The following POU6F2 variants were observed in gnomAD, a reference collection of about 807,000 sequenced individuals.
POU6F2 encodes the protein POU domain, class 6, transcription factor 2.
In POU6F2, 31 loss-of-function variants were observed where a neutral mutation model predicts 71.3. The ratio of observed to expected loss-of-function variants is 0.43; its 90% CI spans 0.33 to 0.59. POU6F2 has a LOEUF of 0.59. Among genes scored for constraint, POU6F2 ranks in the 20% least tolerant of loss-of-function variants. POU6F2 has a pLI of 0.04. For missense variants in POU6F2, 783 were observed against 856.8 expected (o/e 0.91, Z 1.07); for synonymous variants, 347 against 355.7 (o/e 0.98, Z 0.27).
In POU6F2 at chr7:39,058,132, C is replaced by T. The variant is rs1790573502; in HGVS notation, c.106-27728C>T. Among the ~76,000 whole-genome samples the T allele has an allele frequency of 2.6e-5, 4 of 152,186 alleles. No homozygotes were observed. The South Asian group carries it at 8.3e-4, about 32-fold the overall frequency. Reference sequence around the variant, plus strand: ...AAGCTAGAAACAGCATCTAATTCCTCCCCCCTTGTTTAAATGTACTATCTG... The same window carrying T: ...AAGCTAGAAACAGCATCTAATTCCTTCCCCCTTGTTTAAATGTACTATCTG... On this transcript the variant is annotated intron_variant, in intron 1 of 9. Coordinates refer to ENST00000518318, the MANE Select transcript of POU6F2 (RefSeq NM_001370959.1).
chr7:39,289,241 G>A (rs1031012456), intron 4 of POU6F2, among the ~76,000 whole-genome samples: 1 of 152,122 alleles, frequency 6.6e-6, no homozygotes, highest in Non-Finnish European at 1.5e-5. Flanking sequence ...ACATACAGGG[G>A]GCCACTCCAG....
chr7:39,200,366 G>A (rs1793873078), intron 2 of POU6F2, among the ~76,000 whole-genome samples: 1 of 152,188 alleles, frequency 6.6e-6, no homozygotes. Context: ...TGATTCGCAG[G>A]CCTGGGTGAA....
At chr7:39,219,613 G>A (rs1794309587) in intron 4 of POU6F2, among the ~76,000 whole-genome samples, 1 of 152,108 alleles carries the variant, frequency 6.6e-6, no homozygotes. Context: ...TATTAATATT[G>A]TAAGCAAACG....
intron 4 of POU6F2, among the ~76,000 whole-genome samples, chr7:39,226,843 A>G (rs1193924545): frequency 6.6e-6 from 1 of 152,198 alleles, no homozygotes. Context: ...AATACCTATC[A>G]TATTTCAATA....
chr7:39,145,374 C>T (rs1792598340), intron 2 of POU6F2, among the ~76,000 whole-genome samples: 1 of 152,322 alleles, frequency 6.6e-6, no homozygotes, highest in African/African-American at 2.4e-5. Context: ...AACCAGATCA[C>T]ACAGTTTCGA....
intron 5 of POU6F2, among the ~76,000 whole-genome samples, chr7:39,344,847 A>G (rs1238285342): frequency 1.3e-5 from 2 of 152,184 alleles, no homozygotes; most frequent in African/African-American, 2.4e-5. Flanking sequence ...GTGTATTCAT[A>G]TAACTCCTTT....
chr7:39,425,061 T>G (rs1787937612), intron 6 of POU6F2, among the ~76,000 whole-genome samples: 1 of 152,198 alleles, frequency 6.6e-6, no homozygotes, highest in African/African-American at 2.4e-5. Context: ...CTACGAGGTT[T>G]GCTGCTCATG....
chr7:39,123,728 T>C (rs994963099), intron 2 of POU6F2, among the ~76,000 whole-genome samples: 1 of 152,148 alleles, frequency 6.6e-6, no homozygotes, highest in Admixed American at 6.5e-5. Flanking sequence ...CTCATAGCAA[T>C]GACTCCTCAG....
intron 1 of POU6F2, among the ~76,000 whole-genome samples, chr7:38,988,254 G>A (rs1241409661): frequency 6.6e-6 from 1 of 151,938 alleles, no homozygotes; most frequent in Non-Finnish European, 1.5e-5. Flanking sequence ...AACCACCAGG[G>A]GAAACCTTTA....
chr7:39,454,967 G>A (rs753878266), intron 8 of POU6F2, among the ~76,000 whole-genome samples: 7 of 151,620 alleles, frequency 4.6e-5, no homozygotes, highest in Non-Finnish European at 8.8e-5. Context: ...AAGAAAGCAC[G>A]TCTGGGCTCA....
rs1211867071 is a variant in POU6F2, at chr7:39,381,299, A to G, written c.973-25301A>G. Among the ~76,000 whole-genome samples the G allele has an allele frequency of 1.3e-5, 2 of 152,098 alleles. 1 individual carries two copies. Among genetic ancestry groups the G allele is most frequent in the East Asian group, 3.9e-4 (2 of 5,168 alleles). On this transcript the variant is annotated intron_variant, in intron 5 of 9. Transcript: ENST00000518318. The stretch of plus-strand genomic sequence containing the variant: ...GTTGCCCCAGCTGGAGCGCAGTAGC[A>G]CGATCTTGGCTCACTGCAACCTCTG...
intron 1 of POU6F2, among the ~76,000 whole-genome samples, chr7:39,068,973 C>G (rs1790818108): frequency 6.6e-6 from 1 of 152,258 alleles, no homozygotes; most frequent in South Asian, 2.1e-4. Context: ...CCCCCTGACT[C>G]CCCTGGGGTT....
intron 5 of POU6F2, among the ~76,000 whole-genome samples, chr7:39,358,863 C>T (rs1342914919): frequency 8.0e-6 from 1 of 124,340 alleles, no homozygotes; most frequent in Non-Finnish European, 1.7e-5. Flanking sequence ...TGGAGCTGTA[C>T]TTCTGTATTT....
At position 39,339,999 on chromosome 7, in the gene POU6F2, C is replaced by T. The variant is rs201672868; in HGVS notation, c.956C>T (p.Pro319Leu). Residue 319 changes from proline (P) to leucine (L), a missense_variant, in exon 5 of 10, where the codon CCA becomes CTA. Pro to Leu is a moderately conservative substitution (Grantham distance 98). Transcript: ENST00000518318. ...CATGGCCTGCCTTCACCGCTCACGC[C>T]ACCCAATCCTCTACAGGTATGCTCC... is the stretch of plus-strand genomic sequence containing the variant. ...PGHGLPSPLT[P>L]PNPLQLVNNP... The T allele has an allele frequency of 1.6e-4, 253 of 1,610,600 alleles. No individual in the cohort carries two copies. Among genetic ancestry groups the T allele is most frequent in the Non-Finnish European group, 2.1e-4 (244 of 1,177,442 alleles).
intron 4 of POU6F2, among the ~76,000 whole-genome samples, chr7:39,277,137 A>T (rs1784457193): frequency 6.6e-6 from 1 of 152,208 alleles, no homozygotes; most frequent in Admixed American, 6.5e-5. Context: ...ACAATAGCTA[A>T]GATTGAAGAA....
chr7:39,243,186 G>A (rs889014073), intron 4 of POU6F2, among the ~76,000 whole-genome samples: 1 of 152,014 alleles, frequency 6.6e-6, no homozygotes, highest in African/African-American at 2.4e-5. Flanking sequence ...TAATAAAATG[G>A]CAGTATTCTT....
At chr7:39,088,591 A>G (rs1284965005) in intron 2 of POU6F2, among the ~76,000 whole-genome samples, 1 of 152,168 alleles carries the variant, frequency 6.6e-6, no homozygotes, top group African/African-American at 2.4e-5. Flanking sequence ...TTTCTAACAT[A>G]CTTTCTTTCT....
At chr7:39,025,529 G>A (rs1385767906) in intron 1 of POU6F2, among the ~76,000 whole-genome samples, 1 of 152,032 alleles carries the variant, frequency 6.6e-6, no homozygotes, top group East Asian at 1.9e-4. Flanking sequence ...ATGGTGCTGG[G>A]AAAACTGGCT....
At chr7:38,991,775 A>C (rs1400427919) in intron 1 of POU6F2, among the ~76,000 whole-genome samples, 1 of 152,144 alleles carries the variant, frequency 6.6e-6, no homozygotes, top group African/African-American at 2.4e-5. Flanking sequence ...TGAATAGAAT[A>C]GAATTAACGG....
Sources: gnomAD v4.1 joint callset for allele counts (sites outside exome capture counted in the v4.1 genomes callset) on GRCh38, gnomAD v4.1.1 for gene constraint, MANE v1.5 for transcripts, NCBI Gene and HGNC (gene_info 2026-07-23, HGNC 2026-07-21) for gene names.